NUMB: variants seen among roughly 807,000 people sequenced by gnomAD.
NUMB encodes the protein NUMB endocytic adaptor protein, also known as protein numb homolog.
In NUMB, 29 loss-of-function variants were observed where a neutral mutation model predicts 59.7. The observed-to-expected ratio is 0.49, with a 90% CI of 0.36 to 0.66. The LOEUF is 0.66. Ranked by LOEUF, NUMB falls within the 30% of genes least tolerant of loss-of-function variation. The probability of loss-of-function intolerance (pLI) is 0.00; values close to 1 mark genes in which losing one functional copy is unlikely to be tolerated. For synonymous variants in NUMB, 288 were observed against 288.2 expected, an observed-to-expected ratio of 1.00 and a Z score of 0.01; for missense variants, 723 against 822.0, an observed-to-expected ratio of 0.88 and a Z score of 1.47.
At chr14:73,356,786 TG>T (rs1893808016) in intron 3 of NUMB, among the ~76,000 whole-genome samples, 1 of 152,138 alleles carries the variant, frequency 6.6e-6, no homozygotes, top group African/African-American at 2.4e-5. Flanking sequence ...TTTATCTCCC[TG>T]GCTCAAGCAA....
At chr14:73,330,509 T>C (rs577326048) in intron 4 of NUMB, among the ~76,000 whole-genome samples, 2 of 152,322 alleles carry the variant, frequency 1.3e-5, no homozygotes, top group East Asian at 1.9e-4. Context: ...TCTGGCTTCA[T>C]GGTCTTGGGC....
intron 6 of NUMB, among the ~76,000 whole-genome samples, chr14:73,313,834 ATC>A (rs146026704): frequency 6.7e-6 from 1 of 149,986 alleles, no homozygotes; most frequent in Non-Finnish European, 1.5e-5. Flanking sequence ...TTGAGATGGA[ATC>A]TCTCTCTGTC....
intron 4 of NUMB, among the ~76,000 whole-genome samples, chr14:73,346,754 T>C (rs1316418689): frequency 6.6e-6 from 1 of 152,138 alleles, no homozygotes; most frequent in East Asian, 1.9e-4. Context: ...TCACTTCCTA[T>C]TTCCTTGAGA....
At chr14:73,395,122 A>G (rs990081715) in intron 2 of NUMB, among the ~76,000 whole-genome samples, 7 of 148,246 alleles carry the variant, frequency 4.7e-5, no homozygotes, top group Non-Finnish European at 7.4e-5. Context: ...AGCCTGGGAA[A>G]CAGAGCTAAT....
rs146987942 is a variant in NUMB, at chr14:73,341,979, A to G, written c.126+13647T>C. On this transcript the variant is annotated intron_variant, in intron 4 of 12. Coordinates refer to ENST00000555238, the MANE Select transcript of NUMB (RefSeq NM_001005743.2). The stretch of plus-strand genomic sequence containing the variant: ...TACTGCATACTAGGCCACAAAGAAA[A>G]TAAGTCCTTAAGAGTTACTAAACGA... Among the ~76,000 whole-genome samples the G allele has an allele frequency of 1.0e-3, 154 of 152,326 alleles. 1 individual carries two copies. Among genetic ancestry groups the G allele is most frequent in the African/African-American group, 2.2e-3 (92 of 41,578 alleles).
chr14:73,351,053 G>C (rs1893226381), intron 4 of NUMB, among the ~76,000 whole-genome samples: 2 of 152,098 alleles, frequency 1.3e-5, no homozygotes, highest in South Asian at 4.1e-4. Flanking sequence ...AAAATTACCA[G>C]TTGAATACAA....
chr14:73,390,891 C>T (rs1161468293), intron 2 of NUMB, among the ~76,000 whole-genome samples: 3 of 151,642 alleles, frequency 2.0e-5, no homozygotes, highest in Non-Finnish European at 4.4e-5. Context: ...TCAGGTGATC[C>T]GCCCACCTTG....
chr14:73,350,430 C>A (rs1893181777), intron 4 of NUMB, among the ~76,000 whole-genome samples: 1 of 151,866 alleles, frequency 6.6e-6, no homozygotes, highest in Non-Finnish European at 1.5e-5. Flanking sequence ...GCCTCAGCCT[C>A]CCAAAGTGCT....
At chr14:73,323,000 CTTA>C in intron 5 of NUMB, 127 bp downstream of exon 5, 1 of 671,696 alleles carries the variant, frequency 1.5e-6, no homozygotes, top group Non-Finnish European at 2.5e-6. Flanking sequence ...TGAGATGCTC[CTTA>C]TTAGCAAGCC....
chr14:73,398,851 T>C (rs1896273594), intron 2 of NUMB, among the ~76,000 whole-genome samples: 1 of 152,128 alleles, frequency 6.6e-6, no homozygotes, highest in African/African-American at 2.4e-5. Flanking sequence ...ATTAAGTATG[T>C]GTACGGGCCA....
At chr14:73,335,708 C>T (rs910230756) in intron 4 of NUMB, among the ~76,000 whole-genome samples, 4 of 152,280 alleles carry the variant, frequency 2.6e-5, no homozygotes, top group East Asian at 1.9e-4. Flanking sequence ...CCCCTGCTTT[C>T]GTGATTTATC....
intron 2 of NUMB, among the ~76,000 whole-genome samples, chr14:73,382,248 G>T (rs1234436371): frequency 6.6e-6 from 1 of 152,206 alleles, no homozygotes; most frequent in Non-Finnish European, 1.5e-5. Context: ...CTGGGTTCGA[G>T]TGATTCTCCT....
In NUMB at chr14:73,278,873, G is replaced by T. The variant is rs548060247; in HGVS notation, c.1240+408C>A. ...CTCCTGAGTAGCTGGGACTATATGC[G>T]CATGCCACCGCGCCTGGCTAATTTT... On this transcript the variant is annotated intron_variant, in intron 12 of 12. Transcript: ENST00000555238. Among the ~76,000 whole-genome samples, 282 of 151,882 alleles carry T rather than the reference G, an allele frequency of 1.9e-3. 1 individual carries two copies. Among genetic ancestry groups the T allele is most frequent in the African/African-American group, 6.5e-3 (271 of 41,392 alleles).
Position 73,391,540 on chromosome 14 carries a change from A to G in NUMB, c.-101+18397T>C, listed in dbSNP as rs557758333. On this transcript the variant is annotated intron_variant, in intron 2 of 12. Transcript: ENST00000555238. Reference sequence around the variant, plus strand: ...TACTCTAACAATGATTCATTCTCCTATTTCAGACAGCTGTGAGCATCCATG... The same window carrying G: ...TACTCTAACAATGATTCATTCTCCTGTTTCAGACAGCTGTGAGCATCCATG... Among the ~76,000 whole-genome samples, 3 of 152,230 alleles carry G rather than the reference A, an allele frequency of 2.0e-5. 1 individual carries two copies. In the South Asian group the frequency reaches 6.2e-4, roughly 32 times the overall value.
intron 2 of NUMB, among the ~76,000 whole-genome samples, chr14:73,374,675 T>A (rs1894863438): frequency 6.6e-6 from 1 of 151,838 alleles, no homozygotes; most frequent in Non-Finnish European, 1.5e-5. Flanking sequence ...GCTAACCAAA[T>A]ACTTTTTTAG....
chr14:73,372,770 ATTCAT>A (rs1296341935), intron 2 of NUMB, among the ~76,000 whole-genome samples: 1 of 152,086 alleles, frequency 6.6e-6, no homozygotes, highest in Non-Finnish European at 1.5e-5. Flanking sequence ...ATATTTCAAT[ATTCAT>A]TTCATTATAT....
chr14:73,457,592 G>A (rs1003606688), intron 1 of NUMB: 1 of 151,996 alleles, frequency 6.6e-6, no homozygotes, highest in African/African-American at 2.4e-5. Flanking sequence ...ACTCCTCTCC[G>A]ACCGAGGGAA....
chr14:73,302,851 C>T (rs754600260), intron 6 of NUMB, among the ~76,000 whole-genome samples: 12 of 152,232 alleles, frequency 7.9e-5, no homozygotes, highest in Middle Eastern at 3.4e-3. Context: ...GAAACCAGTA[C>T]CCTAGGCCAT....
chr14:73,407,147 C>G (rs1193384018), intron 2 of NUMB, among the ~76,000 whole-genome samples: 1 of 150,922 alleles, frequency 6.6e-6, no homozygotes, highest in Non-Finnish European at 1.5e-5. Flanking sequence ...CAGGCCTCAT[C>G]TTGTTTTTAA....
Sources: gnomAD v4.1 joint callset for allele counts (sites outside exome capture counted in the v4.1 genomes callset) on GRCh38, gnomAD v4.1.1 for gene constraint, MANE v1.5 for transcripts, NCBI Gene and HGNC (gene_info 2026-07-23, HGNC 2026-07-21) for gene names.